Variants in MACROD2 observed in about 807,000 individuals in gnomAD.
MACROD2 encodes mono-ADP ribosylhydrolase 2.
In MACROD2, 36 loss-of-function variants were observed where a neutral mutation model predicts 70.4. That is an observed-to-expected ratio of 0.51 (90% CI 0.39 to 0.68). The LOEUF (loss-of-function observed/expected upper bound fraction) is 0.68. Among genes scored for constraint, MACROD2 ranks in the 30% least tolerant of loss-of-function variants. The pLI is 0.00. For missense variants in MACROD2, 496 were observed against 538.4 expected, an observed-to-expected ratio of 0.92 and a Z score of 0.78; for synonymous variants, 172 against 178.8, an observed-to-expected ratio of 0.96 and a Z score of 0.30.
At chr20:14,748,901 A>G (rs1433829667) in intron 5 of MACROD2, among the ~76,000 whole-genome samples, 1 of 152,124 alleles carries the variant, frequency 6.6e-6, no homozygotes, top group Non-Finnish European at 1.5e-5. Context: ...AGATGCCTCC[A>G]TAGAACCCAC....
chr20:15,642,090 G>A (rs2049468283), intron 8 of MACROD2, among the ~76,000 whole-genome samples: 1 of 152,004 alleles, frequency 6.6e-6, no homozygotes, highest in South Asian at 2.1e-4. Flanking sequence ...CAGTATTTGG[G>A]GAAGACAAAA....
At position 15,676,844 on chromosome 20, in the gene MACROD2, A is replaced by G. The variant is rs527747931; in HGVS notation, c.645+176997A>G. Among the ~76,000 whole-genome samples the G allele has an allele frequency of 3.9e-5, 6 of 152,292 alleles. No homozygotes were observed. In the South Asian group the frequency reaches 1.0e-3, roughly 26 times the overall value. On this transcript the variant is annotated intron_variant, in intron 8 of 17. Coordinates refer to ENST00000684519, the MANE Select transcript of MACROD2 (RefSeq NM_001351661.2). Reference sequence around the variant, plus strand: ...ATTAGATGTTTCTATCTGCTATTCTATTGAATGGCAAGCTCTAATACTGAT... The same window carrying G: ...ATTAGATGTTTCTATCTGCTATTCTGTTGAATGGCAAGCTCTAATACTGAT...
At chr20:14,494,590 A>G (rs2084833241) in intron 4 of MACROD2, among the ~76,000 whole-genome samples, 1 of 152,190 alleles carries the variant, frequency 6.6e-6, no homozygotes, top group Non-Finnish European at 1.5e-5. Flanking sequence ...GCATTACTAA[A>G]TATCTCCAAG....
chr20:14,686,288 C>A (rs777126987), intron 5 of MACROD2, among the ~76,000 whole-genome samples: 67 of 151,908 alleles, frequency 4.4e-4, no homozygotes, highest in Non-Finnish European at 7.5e-4. Context: ...AGATGGGGCC[C>A]AAGTCTAAGC....
At chr20:15,975,712 A>G (rs1042073121) in intron 13 of MACROD2, among the ~76,000 whole-genome samples, 1 of 152,196 alleles carries the variant, frequency 6.6e-6, no homozygotes, top group Non-Finnish European at 1.5e-5. Flanking sequence ...CAATATTAAA[A>G]CTGGCTATCC....
chr20:14,673,756 TA>T (rs376476523), intron 4 of MACROD2, among the ~76,000 whole-genome samples: 5,386 of 151,578 alleles, frequency 0.036, 314 homozygotes, highest in African/African-American at 0.12. Context: ...CCATCTTTAC[TA>T]AAAAAACAAA....
At chr20:15,439,032 C>T (rs1364344578) in intron 7 of MACROD2, among the ~76,000 whole-genome samples, 1 of 152,158 alleles carries the variant, frequency 6.6e-6, no homozygotes, top group Non-Finnish European at 1.5e-5. Context: ...TCCACCCTGT[C>T]AAGGTAAAAT....
chr20:14,532,564 G>T (rs997621688), intron 4 of MACROD2, among the ~76,000 whole-genome samples: 8 of 152,004 alleles, frequency 5.3e-5, no homozygotes, highest in African/African-American at 1.9e-4. Context: ...GCAGTATTAA[G>T]AGCCATTACT....
At chr20:15,271,313 G>A (rs906419266) in intron 6 of MACROD2, among the ~76,000 whole-genome samples, 1 of 152,072 alleles carries the variant, frequency 6.6e-6, no homozygotes, top group Admixed American at 6.5e-5. Context: ...TTAGAAGGGC[G>A]CTAATCCCAT....
Position 15,460,993 on chromosome 20 carries a change from TA to T in MACROD2, c.571+29559del, listed in dbSNP as rs1281299216. Among the ~76,000 whole-genome samples, 111 of 81,558 alleles carry T rather than the reference TA, an allele frequency of 1.4e-3. 3 individuals are homozygous for T. The highest frequency in any genetic ancestry group is 4.0e-3 in the East Asian group (16 of 3,952). 53.5% of individuals were successfully genotyped at this position (81,558 alleles called of 152,430 possible). ...CTCTCTCTCCATATATATATATATA[TA>T]TATATATATATATTTTTTTTTAATA... is the stretch of plus-strand genomic sequence containing the variant. On this transcript the variant is annotated intron_variant, in intron 7 of 17. Coordinates refer to ENST00000684519, the MANE Select transcript of MACROD2 (RefSeq NM_001351661.2).
At chr20:15,960,437 C>T (rs1340075783) in intron 12 of MACROD2, among the ~76,000 whole-genome samples, 1 of 152,078 alleles carries the variant, frequency 6.6e-6, no homozygotes, top group Non-Finnish European at 1.5e-5. Flanking sequence ...GTGGTAGGAG[C>T]CAGATGAAGG....
At chr20:15,995,928 T>G (rs1383360044) in intron 15 of MACROD2, among the ~76,000 whole-genome samples, 1 of 151,942 alleles carries the variant, frequency 6.6e-6, no homozygotes, top group Non-Finnish European at 1.5e-5. Flanking sequence ...GCACTTAGGT[T>G]GTTTCTGTGT....
intron 5 of MACROD2, among the ~76,000 whole-genome samples, chr20:15,070,828 A>T (rs990799562): frequency 6.6e-6 from 1 of 152,000 alleles, no homozygotes; most frequent in African/African-American, 2.4e-5. Flanking sequence ...AACTCAAAAC[A>T]GATTAACACC....
intron 5 of MACROD2, among the ~76,000 whole-genome samples, chr20:14,763,912 A>G (rs2072050229): frequency 6.6e-6 from 1 of 152,096 alleles, no homozygotes; most frequent in Admixed American, 6.5e-5. Flanking sequence ...CCTGGAATCC[A>G]TGAATAGTCC....
At chr20:13,996,627 AAC>A (rs1264324597) in intron 1 of MACROD2, among the ~76,000 whole-genome samples, 1 of 152,150 alleles carries the variant, frequency 6.6e-6, no homozygotes, top group Non-Finnish European at 1.5e-5. Flanking sequence ...TTCTTTAAGA[AAC>A]ACAAGTGTAC....
chr20:15,239,184 A>ATTT lies in MACROD2; in HGVS notation c.540+9138_540+9140dup, dbSNP rs113667803. Among the ~76,000 whole-genome samples, 58 of 138,020 alleles carry ATTT rather than the reference A, an allele frequency of 4.2e-4. 3 individuals are homozygous for ATTT. Among genetic ancestry groups the ATTT allele is most frequent in the South Asian group, 2.3e-3 (10 of 4,312 alleles). The allele number at this position is 138,020 out of a possible 152,430, so 90.5% of individuals were successfully genotyped here. A position where few individuals can be genotyped will look rare whatever the true frequency, so the allele number is the denominator to read the frequency against. On this transcript the variant is annotated intron_variant, in intron 6 of 17. Transcript: ENST00000684519. ...AACATTTTTTCTTGCAAATGTTCAG[A>ATTT]TTTTTTTTTTTTTTTTTGGAGAGCA...
chr20:15,372,277 T>C (rs1371776367), intron 6 of MACROD2, among the ~76,000 whole-genome samples: 1 of 152,222 alleles, frequency 6.6e-6, no homozygotes, highest in East Asian at 1.9e-4. Flanking sequence ...CATCTCCAAA[T>C]TGTGTTTGTA....
chr20:15,541,845 C>T (rs1355924277), intron 8 of MACROD2, among the ~76,000 whole-genome samples: 4 of 152,270 alleles, frequency 2.6e-5, no homozygotes, highest in East Asian at 1.9e-4. Flanking sequence ...CCCATAACTC[C>T]ATGTAGCATA....
intron 3 of MACROD2, among the ~76,000 whole-genome samples, chr20:14,373,901 T>A (rs1194661585): frequency 6.6e-6 from 1 of 152,156 alleles, no homozygotes; most frequent in East Asian, 1.9e-4. Context: ...AAATATTGCA[T>A]GTGTATGTAG....
Sources: allele counts gnomAD v4.1 joint callset (sites outside exome capture counted in the v4.1 genomes callset), GRCh38; gene constraint gnomAD v4.1.1; transcripts MANE v1.5; gene names NCBI Gene and HGNC (gene_info 2026-07-23, HGNC 2026-07-21).